ATP8A2: variants seen among roughly 807,000 people sequenced by gnomAD.
The protein encoded by ATP8A2 is ATPase phospholipid transporting 8A2, also known as phospholipid-transporting ATPase IB.
Under a neutral mutation model 165.6 loss-of-function variants are expected in ATP8A2, and 100 were observed. The observed-to-expected ratio is 0.60, with a 90% CI of 0.51 to 0.71. ATP8A2 has a LOEUF of 0.71. Ranked by LOEUF, ATP8A2 falls within the 30% of genes least tolerant of loss-of-function variation. The pLI is 0.00. For synonymous variants in ATP8A2, 543 were observed against 548.8 expected (o/e 0.99, Z 0.15); for missense variants, 1,227 against 1,479.5 (o/e 0.83, Z 2.80).
chr13:25,919,821 G>C (rs116416503), intron 33 of ATP8A2, among the ~76,000 whole-genome samples: 2,552 of 152,106 alleles, frequency 0.017, 71 homozygotes, highest in African/African-American at 0.059. Flanking sequence ...GCTGGAGTGC[G>C]GTGGTGCTGT....
rs188932890 is a variant in ATP8A2, at chr13:25,561,086, C to T, written c.1397+1321C>T. ...TATTTTTAGTAGAGCGGGGTTTCAC[C>T]GTGTTAGCCAGGATGGTCTTGATCT... On this transcript the variant is annotated intron_variant, in intron 15 of 36. Coordinates refer to ENST00000381655, the MANE Select transcript of ATP8A2 (RefSeq NM_016529.6). Among the ~76,000 whole-genome samples the T allele has an allele frequency of 9.5e-4, 145 of 152,112 alleles. 1 individual carries two copies. The highest frequency in any genetic ancestry group is 3.3e-3 in the African/African-American group (136 of 41,510).
chr13:25,918,931 G>A (rs1018905822), intron 33 of ATP8A2, among the ~76,000 whole-genome samples: 16 of 152,188 alleles, frequency 1.1e-4, no homozygotes, highest in Admixed American at 1.0e-3. Context: ...TCAAATGGGA[G>A]CTAAACAGCA....
chr13:25,937,129 C>A (rs1593588684), intron 33 of ATP8A2, among the ~76,000 whole-genome samples: 2 of 152,066 alleles, frequency 1.3e-5, no homozygotes, highest in African/African-American at 4.8e-5. Context: ...AACAAAGCAA[C>A]TGACAATAGT....
chr13:25,567,938 G>C (rs542838057), intron 16 of ATP8A2, among the ~76,000 whole-genome samples: 2 of 152,302 alleles, frequency 1.3e-5, no homozygotes, highest in African/African-American at 4.8e-5. Flanking sequence ...CTGTGGAGAG[G>C]GAAGAAGTAT....
At chr13:25,942,279 T>G (rs1371491565) in intron 33 of ATP8A2, among the ~76,000 whole-genome samples, 1 of 152,224 alleles carries the variant, frequency 6.6e-6, no homozygotes, top group African/African-American at 2.4e-5. Flanking sequence ...CATATCTATT[T>G]GTGGACATGA....
intron 30 of ATP8A2, among the ~76,000 whole-genome samples, chr13:25,842,165 G>A (rs1951759075): frequency 6.6e-6 from 1 of 152,198 alleles, no homozygotes; most frequent in African/African-American, 2.4e-5. Context: ...TTAGATATCA[G>A]AGGACTGAGA....
chr13:25,789,361 A>C (rs1180487237), intron 27 of ATP8A2, among the ~76,000 whole-genome samples: 1 of 152,196 alleles, frequency 6.6e-6, no homozygotes, highest in East Asian at 1.9e-4. Flanking sequence ...AAAACCAGAA[A>C]ACCCCACTAC....
In ATP8A2 at chr13:25,778,411, C is replaced by T. The variant is rs554124596; in HGVS notation, c.2679+3452C>T. 8.7e-4 allele frequency among the ~76,000 whole-genome samples: 132 copies of T among 152,208 alleles called. 1 individual carries two copies. The highest frequency in any genetic ancestry group is 2.8e-3 in the African/African-American group (117 of 41,528). On this transcript the variant is annotated intron_variant, in intron 27 of 36. Coordinates refer to ENST00000381655, the MANE Select transcript of ATP8A2 (RefSeq NM_016529.6). ...GTTTGAGGGATTTAAAAACTAGGAA[C>T]AAAATTATGCAATACATGGTTTCAT...
At chr13:25,950,007 C>T (rs1041516004) in intron 33 of ATP8A2, among the ~76,000 whole-genome samples, 21 of 152,136 alleles carry the variant, frequency 1.4e-4, no homozygotes, top group Non-Finnish European at 2.5e-4. Flanking sequence ...ACCATGTTGG[C>T]CAGGCTGATC....
intron 1 of ATP8A2, among the ~76,000 whole-genome samples, chr13:25,432,492 T>A (rs1219764296): frequency 6.6e-6 from 1 of 152,198 alleles, no homozygotes; most frequent in Non-Finnish European, 1.5e-5. Flanking sequence ...CGTTTTCTTC[T>A]GGTGTGAACC....
rs58660867 is a variant in ATP8A2, at chr13:25,853,389, T to TAAAA, written c.2957-6801_2957-6798dup. Among the ~76,000 whole-genome samples the TAAAA allele has an allele frequency of 5.3e-3, 384 of 72,280 alleles. 3 individuals carry two copies. Among genetic ancestry groups the TAAAA allele is most frequent in the Middle Eastern group, 0.027 (4 of 150 alleles). 47.4% of individuals were successfully genotyped at this position (72,280 alleles called of 152,430 possible). ...CCTGGTGACAGAGCAAGACTCTATCTAAAAAAAATATATATATATATGTAT... is the reference window on the plus strand; with the variant it reads ...CCTGGTGACAGAGCAAGACTCTATCTAAAAAAAAAAAATATATATATATATGTAT... On this transcript the variant is annotated intron_variant, in intron 30 of 36. Coordinates refer to ENST00000381655, the MANE Select transcript of ATP8A2 (RefSeq NM_016529.6).
rs115959121 is a variant in ATP8A2, at chr13:25,634,137, C to T, written c.2211+44438C>T. ...CATCAGGAAATGTATGAATTTAAAG[C>T]GGATAAACTCAGTCAAGCTTGACAC... On this transcript the variant is annotated intron_variant, in intron 24 of 36. Coordinates refer to ENST00000381655, the MANE Select transcript of ATP8A2 (RefSeq NM_016529.6). Among the ~76,000 whole-genome samples, 1,213 of 152,212 alleles carry T rather than the reference C, an allele frequency of 8.0e-3. 13 individuals are homozygous for T. The highest frequency in any genetic ancestry group is 0.027 in the African/African-American group (1,131 of 41,534).
chr13:25,923,866 T>C (rs1452671626), intron 33 of ATP8A2, among the ~76,000 whole-genome samples: 2 of 152,230 alleles, frequency 1.3e-5, no homozygotes, highest in Non-Finnish European at 2.9e-5. Context: ...AGGTAGATTA[T>C]GTAATCCTAG....
chr13:25,486,621 A>T (rs2036361268), intron 2 of ATP8A2, among the ~76,000 whole-genome samples: 1 of 152,206 alleles, frequency 6.6e-6, no homozygotes, highest in African/African-American at 2.4e-5. Context: ...AATATTTTAA[A>T]ATTAGGACAG....
At chr13:25,540,643 C>T (rs1191570253) in intron 8 of ATP8A2, among the ~76,000 whole-genome samples, 9 of 152,182 alleles carry the variant, frequency 5.9e-5, no homozygotes, top group South Asian at 2.1e-4. Flanking sequence ...GCCTGTGATG[C>T]TGGAGAGAGG....
chr13:25,398,568 C>T (rs887532795), intron 1 of ATP8A2, among the ~76,000 whole-genome samples: 1 of 152,140 alleles, frequency 6.6e-6, no homozygotes, highest in Non-Finnish European at 1.5e-5. Context: ...TGGGGACAGC[C>T]CTTGCTCCCC....
intron 2 of ATP8A2, among the ~76,000 whole-genome samples, chr13:25,508,810 G>T (rs904163203): frequency 3.3e-5 from 5 of 152,210 alleles, no homozygotes; most frequent in African/African-American, 1.2e-4. Context: ...GGCCCCAGGG[G>T]GGACCTTACC....
chr13:25,685,460 G>A (rs2042581557), intron 24 of ATP8A2, among the ~76,000 whole-genome samples: 1 of 152,188 alleles, frequency 6.6e-6, no homozygotes, highest in Admixed American at 6.5e-5. Flanking sequence ...TGGGGAGGGT[G>A]GACAGTGAGC....
chr13:26,016,426 T>C (rs557422796), intron 36 of ATP8A2, among the ~76,000 whole-genome samples: 6 of 152,334 alleles, frequency 3.9e-5, no homozygotes, highest in Middle Eastern at 3.4e-3. Flanking sequence ...TGGGAGGCCC[T>C]TGTGGCCATG....
Sources: gnomAD v4.1 joint callset for allele counts (sites outside exome capture counted in the v4.1 genomes callset) on GRCh38, gnomAD v4.1.1 for gene constraint, MANE v1.5 for transcripts, NCBI Gene and HGNC (gene_info 2026-07-23, HGNC 2026-07-21) for gene names.